FBXO41: variants seen among roughly 807,000 people sequenced by gnomAD.
The protein encoded by FBXO41 is F-box only protein 41.
Under a neutral mutation model 81.6 loss-of-function variants are expected in FBXO41, and 33 were observed. The observed-to-expected ratio is 0.40, with a 90% CI of 0.31 to 0.54. The LOEUF (loss-of-function observed/expected upper bound fraction) is 0.54, where lower values mean the gene tolerates loss of function less well. Ranked by LOEUF, FBXO41 falls within the 20% of genes least tolerant of loss-of-function variation. The pLI is 0.39. For missense variants in FBXO41, 1,107 were observed against 1,236.0 expected (o/e 0.90, Z 1.56); for synonymous variants, 576 against 552.7 (o/e 1.04, Z -0.59).
Position 73,258,331 on chromosome 2 carries a change from TG to T in FBXO41, c.*650del, listed in dbSNP as rs1047887869. Reference sequence around the variant, plus strand: ...CCACCTTGGAAGGGTGGTCTCATCCTGGGGAGAAGTTCTGGGTGACTGTTTC... The same window carrying T: ...CCACCTTGGAAGGGTGGTCTCATCCTGGGAGAAGTTCTGGGTGACTGTTTC... On this transcript the variant is annotated 3_prime_UTR_variant, in exon 13 of 13. Transcript: ENST00000520530. The T allele has an allele frequency of 3.3e-5, 5 of 152,412 alleles. No homozygotes were observed. Among genetic ancestry groups the T allele is most frequent in the African/African-American group, 1.2e-4 (5 of 41,452 alleles). 9.4% of individuals were successfully genotyped at this position (152,412 alleles called of 1,614,324 possible).
At position 73,259,091 on chromosome 2, in the gene FBXO41, G is replaced by T; in HGVS notation, c.2566-47C>A. 6.2e-7 allele frequency: 1 copy of T among 1,608,234 alleles called. No homozygotes were observed. On this transcript the variant is annotated intron_variant, in intron 12 of 12. Coordinates refer to ENST00000520530, the MANE Select transcript of FBXO41 (RefSeq NM_001371389.2). The surrounding 1 kb of genome is among the most constrained non-coding windows in gnomAD (Gnocchi z 4.2). ...AGTTCTCCCTCCGTGCCAGGCAGGT[G>T]GGGCCCTCCTGCCACACTCACCCAG... is the stretch of plus-strand genomic sequence containing the variant.
chr2:73,277,888 T>C (rs757870289), intron 1 of FBXO41, among the ~76,000 whole-genome samples: 1 of 152,226 alleles, frequency 6.6e-6, no homozygotes, highest in Non-Finnish European at 1.5e-5. Flanking sequence ...CTTTTGGTAA[T>C]AGCAACATCT....
In FBXO41 at chr2:73,260,849, GGGCTGCT is replaced by G; in HGVS notation, c.2174_2180del (p.Gln725ProfsTer11). The stretch of plus-strand genomic sequence containing the variant: ...GCAGGCAGCGGTTACTGAAGCGTGT[GGGCTGCT>G]GGCTGGAGAATGGGAAGGGGGAGCC... On this transcript the variant is annotated frameshift_variant and splice_region_variant, in exon 10 of 13. Coordinates refer to ENST00000520530, the MANE Select transcript of FBXO41 (RefSeq NM_001371389.2). LOFTEE classifies it high-confidence loss of function. The surrounding 1 kb of genome is among the most constrained non-coding windows in gnomAD (Gnocchi z 5.0). 1 of 1,560,322 alleles carries G rather than the reference GGGCTGCT, an allele frequency of 6.4e-7. No individual in the cohort carries two copies. Among genetic ancestry groups the G allele is most frequent in the Non-Finnish European group, 8.7e-7 (1 of 1,150,950 alleles).
At position 73,265,921 on chromosome 2, in the gene FBXO41, A is replaced by G. The variant is rs377495186; in HGVS notation, c.1177T>C (p.Ser393Pro). The change falls in exon 4 of 13, where the codon TCA (serine) becomes CCA (proline). Residue 393 changes from serine (S) to proline (P), a missense_variant. Physicochemically the swap from Ser to Pro is moderately conservative, Grantham distance 74. This residue lies in a region of FBXO41 where 771 missense variants were observed against 789.2 expected (regional missense o/e 0.98). Coordinates refer to ENST00000520530, the MANE Select transcript of FBXO41 (RefSeq NM_001371389.2). ...GTGCTCGGAGAGGAGCCATGCCGTG[A>G]CACTGCATATGTGTTAGGCACGGCC... ...GPAVPNTYAVSRHGSSPSTGA... is the reference protein window; with the variant it reads ...GPAVPNTYAVPRHGSSPSTGA... The G allele has an allele frequency of 4.6e-5, 73 of 1,587,978 alleles. No homozygotes were observed. The African/African-American group carries it at 9.0e-4, about 20-fold the overall frequency.
chr2:73,260,706 A>C lies in FBXO41; in HGVS notation c.2290+34T>G. 1 of 1,519,796 alleles carries C rather than the reference A, an allele frequency of 6.6e-7. No individual in the cohort carries two copies. The highest frequency in any genetic ancestry group is 8.9e-7 in the Non-Finnish European group (1 of 1,125,722). 94.1% of individuals were successfully genotyped at this position (1,519,796 alleles called of 1,614,324 possible). ...AGCACTGCACCCATGCCTGCTTCCC[A>C]CTACCCACCACCCCAGTCCAAGGAA... On this transcript the variant is annotated intron_variant, in intron 10 of 12. Coordinates refer to ENST00000520530, the MANE Select transcript of FBXO41 (RefSeq NM_001371389.2). The surrounding 1 kb of genome is among the most constrained non-coding windows in gnomAD (Gnocchi z 5.0).
chr2:73,266,985 A>G lies in FBXO41; in HGVS notation c.906-303T>C, dbSNP rs1364147626. 6.6e-6 allele frequency among the ~76,000 whole-genome samples: 1 copy of G among 152,170 alleles called. No individual in the cohort carries two copies. Among genetic ancestry groups the G allele is most frequent in the Non-Finnish European group, 1.5e-5 (1 of 68,036 alleles). On this transcript the variant is annotated intron_variant, in intron 2 of 12. Coordinates refer to ENST00000520530, the MANE Select transcript of FBXO41 (RefSeq NM_001371389.2). This position sits in a 1 kb window ranked among gnomAD's most constrained non-coding sequence, Gnocchi z 5.3. ...AATAATCAGGCATACTCAGTCCCAC[A>G]CAACCCCAGGCATACATACATCCCC...
At chr2:73,265,691 C>T in intron 4 of FBXO41, 51 bp from the exon 5 acceptor site, 1 of 1,454,216 alleles carries the variant, frequency 6.9e-7, no homozygotes, top group East Asian at 2.5e-5. Flanking sequence ...CAGGCCTACC[C>T]AAACTCCCCA....
In FBXO41 at chr2:73,256,626, C is replaced by T. The variant is rs1220028506; in HGVS notation, c.*2356G>A. 6.6e-5 allele frequency: 10 copies of T among 152,308 alleles called. No homozygotes were observed. The highest frequency in any genetic ancestry group is 1.3e-4 in the Non-Finnish European group (9 of 68,122). The allele number at this position is 152,308 out of a possible 1,614,324, so 9.4% of individuals were successfully genotyped here. A position where few individuals can be genotyped will look rare whatever the true frequency, so the allele number is the denominator to read the frequency against. On this transcript the variant is annotated 3_prime_UTR_variant, in exon 13 of 13. Transcript: ENST00000520530. ...GGGGCTTTCCTGGAAATAGCCAAAC[C>T]CATGGGAAGTGGACGTCCCCCCAGG...
intron 1 of FBXO41, chr2:73,271,627 C>CCCCA (rs1553384746): frequency 6.8e-6 from 1 of 146,050 alleles, no homozygotes; most frequent in Admixed American, 6.8e-5. Context: ...CTGCACTCCC[C>CCCCA]CCCCCCCAAC....
At position 73,259,661 on chromosome 2, in the gene FBXO41, G is replaced by T. The variant is rs747651375; in HGVS notation, c.2450-365C>A. Among the ~76,000 whole-genome samples, 19 of 152,172 alleles carry T rather than the reference G, an allele frequency of 1.2e-4. No homozygotes were observed. Among genetic ancestry groups the T allele is most frequent in the Admixed American group, 2.0e-4 (3 of 15,280 alleles). The stretch of plus-strand genomic sequence containing the variant: ...TGGATCCAGGCTGAAGCACAAAGGA[G>T]GGGGAGGTGGGGCAAATACTTGGGG... On this transcript the variant is annotated intron_variant, in intron 11 of 12. Coordinates refer to ENST00000520530, the MANE Select transcript of FBXO41 (RefSeq NM_001371389.2). This position sits in a 1 kb window ranked among gnomAD's most constrained non-coding sequence, Gnocchi z 4.2.
In FBXO41 at chr2:73,269,924, G is replaced by A. The variant is rs1435987303; in HGVS notation, c.-138-156C>T. Among the ~76,000 whole-genome samples the A allele has an allele frequency of 6.6e-6, 1 of 152,198 alleles. No individual in the cohort carries two copies. The highest frequency in any genetic ancestry group is 2.4e-5 in the African/African-American group (1 of 41,458). On this transcript the variant is annotated intron_variant, in intron 1 of 12. Transcript: ENST00000520530. The surrounding 1 kb of genome is among the most constrained non-coding windows in gnomAD (Gnocchi z 7.0). ...CTGGCCTGCTCTGGCACCTGTGCGA[G>A]GGCCTGTATGTGTGCAAGAGACAGC... is the stretch of plus-strand genomic sequence containing the variant.
rs1213909496 is a variant in FBXO41, at chr2:73,257,822, T to C, written c.*1160A>G. ...ACTTCCCCTAGGCAGAAGACCCCAA[T>C]GCAGCCCTCAGTCCACGGGGCCCGT... On this transcript the variant is annotated 3_prime_UTR_variant, in exon 13 of 13. Coordinates refer to ENST00000520530, the MANE Select transcript of FBXO41 (RefSeq NM_001371389.2). The surrounding 1 kb of genome is among the most constrained non-coding windows in gnomAD (Gnocchi z 4.6). The C allele has an allele frequency of 6.6e-6, 1 of 152,350 alleles. No individual in the cohort carries two copies. The highest frequency in any genetic ancestry group is 1.5e-5 in the Non-Finnish European group (1 of 68,182). The allele number at this position is 152,350 out of a possible 1,614,324, so 9.4% of individuals were successfully genotyped here.
Position 73,259,369 on chromosome 2 carries a change from T to A in FBXO41, c.2450-73A>T. On this transcript the variant is annotated intron_variant, in intron 11 of 12. Transcript: ENST00000520530. This position sits in a 1 kb window ranked among gnomAD's most constrained non-coding sequence, Gnocchi z 4.2. ...AGCTGCCTCCTCTCCTCTCACTAAT[T>A]AATGAAATCAGACAATCAGGTGCCA... is the stretch of plus-strand genomic sequence containing the variant. 8.0e-7 allele frequency: 1 copy of A among 1,242,896 alleles called. No individual in the cohort carries two copies. The highest frequency in any genetic ancestry group is 1.2e-6 in the Non-Finnish European group (1 of 847,936). 77.0% of individuals were successfully genotyped at this position (1,242,896 alleles called of 1,614,324 possible). A position where few individuals can be genotyped will look rare whatever the true frequency, so the allele number is the denominator to read the frequency against.
chr2:73,266,909 G>GC lies in FBXO41; in HGVS notation c.906-228dup, dbSNP rs897730707. 8 of 545,036 alleles carry GC rather than the reference G, an allele frequency of 1.5e-5. No homozygotes were observed. The highest frequency in any genetic ancestry group is 2.1e-5 in the Non-Finnish European group (7 of 337,132). 33.8% of individuals were successfully genotyped at this position (545,036 alleles called of 1,614,324 possible). A position where few individuals can be genotyped will look rare whatever the true frequency, so the allele number is the denominator to read the frequency against. ...CACACACTCACACCCCACCCACCTG[G>GC]CCCCAGACCCTGCTCTCCACAGAAA... is the stretch of plus-strand genomic sequence containing the variant. On this transcript the variant is annotated intron_variant, in intron 2 of 12. Coordinates refer to ENST00000520530, the MANE Select transcript of FBXO41 (RefSeq NM_001371389.2). This position sits in a 1 kb window ranked among gnomAD's most constrained non-coding sequence, Gnocchi z 5.3.
chr2:73,281,463 A>G, intron 1 of FBXO41, among the ~76,000 whole-genome samples: 1 of 152,168 alleles, frequency 6.6e-6, no homozygotes, highest in East Asian at 1.9e-4. Context: ...ACACTGACTC[A>G]GGGATTGGCC....
rs745908703 is a variant in FBXO41, at chr2:73,260,780, G to A, written c.2250C>T (p.Val750=). ...RCWPHLRALG[V]GGAGCGVQGL... is the part of the protein sequence containing the mutation. ...CCTGCACCCCACAGCCGGCACCCCCGACCCCCAGGGCCCGCAGGTGGGGCC... is the reference window on the plus strand; with the variant it reads ...CCTGCACCCCACAGCCGGCACCCCCAACCCCCAGGGCCCGCAGGTGGGGCC... Residue 750 remains valine, a synonymous_variant, in exon 10 of 13, where the codon GTC becomes GTT. Coordinates refer to ENST00000520530, the MANE Select transcript of FBXO41 (RefSeq NM_001371389.2). This position sits in a 1 kb window ranked among gnomAD's most constrained non-coding sequence, Gnocchi z 5.0. The A allele has an allele frequency of 5.8e-6, 9 of 1,563,152 alleles. No homozygotes were observed. The East Asian group carries it at 1.2e-4, about 20-fold the overall frequency.
rs1274944916 is a variant in FBXO41 at position 73,263,233 on chromosome 2, T to C, written c.2151A>G (p.Gln717=). The change falls in exon 9 of 13, where the codon CAA becomes CAG. Residue 717 remains glutamine (Q), a synonymous_variant. Transcript: ENST00000520530. ...CTCACCAGGGGTGAAGTGGTGCCAC[T>C]TGGAGGGAGACGATCTCTCTGCAGC... ...GAGCREIVSL[Q]VAPLHPCQQP... 6.4e-7 allele frequency: 1 copy of C among 1,556,774 alleles called. No homozygotes were observed. The highest frequency in any genetic ancestry group is 8.7e-7 in the Non-Finnish European group (1 of 1,149,890).
intron 5 of FBXO41, 63 bp from the exon 6 acceptor site, chr2:73,264,582 T>G (rs1055633193): frequency 1.3e-6 from 2 of 1,595,614 alleles, no homozygotes; most frequent in African/African-American, 2.7e-5. Context: ...GGGATGTGTG[T>G]GGGGAGCTGG....
chr2:73,272,631 G>A (rs1001901551), intron 1 of FBXO41, among the ~76,000 whole-genome samples: 5 of 152,208 alleles, frequency 3.3e-5, no homozygotes, highest in African/African-American at 1.2e-4. Flanking sequence ...CAAAGTTGGA[G>A]TTTGCTTTGC....
Sources: gnomAD v4.1 joint callset for allele counts (sites outside exome capture counted in the v4.1 genomes callset) on GRCh38, gnomAD v4.1.1 for gene constraint, gnomAD v4.1.1 regional missense constraint, Gnocchi (gnomAD v3.1) non-coding constraint, MANE v1.5 for transcripts, NCBI Gene and HGNC (gene_info 2026-07-23, HGNC 2026-07-21) for gene names.